Variants in NBEAL1 observed in about 807,000 individuals in gnomAD.
NBEAL1 encodes the protein neurobeachin-like protein 1.
NBEAL1 carries 273 observed loss-of-function variants against 351.3 expected under a neutral mutation model. That is an observed-to-expected ratio of 0.78 (90% CI 0.70 to 0.86). NBEAL1 has a LOEUF of 0.86. Among genes scored for constraint, NBEAL1 ranks in the 40% least tolerant of loss-of-function variants. NBEAL1 has a pLI of 0.00. For synonymous variants in NBEAL1, 1,050 were observed against 1,086.4 expected (o/e 0.97, Z 0.66); for missense variants, 2,961 against 3,201.3 (o/e 0.92, Z 1.81).
chr2:203,195,830 A>G (rs1363544104), intron 47 of NBEAL1, among the ~76,000 whole-genome samples: 1 of 152,150 alleles, frequency 6.6e-6, no homozygotes, highest in East Asian at 1.9e-4. Context: ...TCGCGTACAC[A>G]CCCCTCTGAC....
chr2:203,122,158 A>G (rs1000062484), intron 18 of NBEAL1, 96 bp from the exon 19 acceptor site: 6 of 647,106 alleles, frequency 9.3e-6, no homozygotes, highest in Admixed American at 7.3e-5. Flanking sequence ...TGACTATCCT[A>G]TATTCCTTTT....
At chr2:203,197,865 C>T (rs1466866957) in intron 48 of NBEAL1, among the ~76,000 whole-genome samples, 7 of 151,766 alleles carry the variant, frequency 4.6e-5, no homozygotes, top group South Asian at 2.1e-4. Flanking sequence ...GCCAAGATCG[C>T]GCCACTGCAC....
chr2:203,065,264 GAAA>G (rs551339865), intron 6 of NBEAL1, among the ~76,000 whole-genome samples: 5 of 149,612 alleles, frequency 3.3e-5, no homozygotes, highest in Non-Finnish European at 5.9e-5. Flanking sequence ...GTCTCTAAAA[GAAA>G]AAAAAAATTT....
Position 203,068,411 on chromosome 2 carries a change from G to T in NBEAL1, c.534G>T (p.Val178=). ...HRISGRILST[V]EKSRQKYKPA... The stretch of plus-strand genomic sequence containing the variant: ...ATGATAGACGAATCCTTAGTACTGT[G>T]GAAAAGAGCAGACAGAAATATAAAC... The change falls in exon 7 of 56, where the codon GTG becomes GTT. Residue 178 remains valine (V), a synonymous_variant. Coordinates refer to ENST00000683969, the MANE Select transcript of NBEAL1 (RefSeq NM_001378026.1). The T allele has an allele frequency of 6.5e-7, 1 of 1,546,390 alleles. No homozygotes were observed. Among genetic ancestry groups the T allele is most frequent in the East Asian group, 2.5e-5 (1 of 40,778 alleles).
chr2:203,153,285 A>G (rs971245795), intron 35 of NBEAL1, among the ~76,000 whole-genome samples: 1 of 139,962 alleles, frequency 7.1e-6, no homozygotes, highest in African/African-American at 2.6e-5. Flanking sequence ...AATGCATACC[A>G]CCATGCCATG....
Position 203,223,992 on chromosome 2 carries a change from G to C in NBEAL1, c.*6638G>C, listed in dbSNP as rs941802957. Among the ~76,000 whole-genome samples the C allele has an allele frequency of 2.6e-5, 4 of 151,838 alleles. No homozygotes were observed. Among genetic ancestry groups the C allele is most frequent in the African/African-American group, 9.7e-5 (4 of 41,370 alleles). On this transcript the variant is annotated 3_prime_UTR_variant, in exon 56 of 56. Transcript: ENST00000683969. ...CTGTCAGCGTCTGTTTTGTATATAGGGATTAAAGAGGATAACTTTATTTTT... is the reference window on the plus strand; with the variant it reads ...CTGTCAGCGTCTGTTTTGTATATAGCGATTAAAGAGGATAACTTTATTTTT...
chr2:203,060,900 A>G (rs1453287284), intron 6 of NBEAL1, among the ~76,000 whole-genome samples: 1 of 152,204 alleles, frequency 6.6e-6, no homozygotes, highest in Non-Finnish European at 1.5e-5. Context: ...TCCAATCCAG[A>G]GTGCTCTCAC....
intron 36 of NBEAL1, among the ~76,000 whole-genome samples, chr2:203,162,790 TA>T (rs2064007617): frequency 6.6e-6 from 1 of 152,180 alleles, no homozygotes; most frequent in South Asian, 2.1e-4. Flanking sequence ...CAAATTAATA[TA>T]ATATCAAAAA....
At chr2:203,049,721 A>T in intron 3 of NBEAL1, 93 bp from the exon 4 acceptor site, 1 of 1,090,956 alleles carries the variant, frequency 9.2e-7, no homozygotes, top group Non-Finnish European at 1.3e-6. Context: ...GAGCTTCTTT[A>T]GGATTTGGGC....
chr2:203,098,442 T>G (rs2062231779), intron 11 of NBEAL1, among the ~76,000 whole-genome samples: 1 of 152,186 alleles, frequency 6.6e-6, no homozygotes, highest in African/African-American at 2.4e-5. Context: ...TAATCCCTCT[T>G]AAGGCCTACT....
intron 2 of NBEAL1, among the ~76,000 whole-genome samples, chr2:203,017,377 G>A (rs1488458826): frequency 6.6e-6 from 1 of 152,104 alleles, no homozygotes; most frequent in Non-Finnish European, 1.5e-5. Flanking sequence ...ATTAAATTTA[G>A]AGATTACACT....
chr2:203,197,485 T>G, intron 48 of NBEAL1, 94 bp downstream of exon 48: 1 of 871,230 alleles, frequency 1.1e-6, no homozygotes, highest in East Asian at 2.6e-5. Context: ...AAGCCACTTT[T>G]TGGCTGTGCA....
rs1241401476 is a variant in NBEAL1 at position 203,122,350 on chromosome 2, T to C, written c.2682+7T>C. 1 of 1,482,906 alleles carries C rather than the reference T, an allele frequency of 6.7e-7. No homozygotes were observed. 91.9% of individuals were successfully genotyped at this position (1,482,906 alleles called of 1,614,324 possible). A position where few individuals can be genotyped will look rare whatever the true frequency, so the allele number is the denominator to read the frequency against. On this transcript the variant is annotated splice_region_variant and intron_variant, in intron 19 of 55. Coordinates refer to ENST00000683969, the MANE Select transcript of NBEAL1 (RefSeq NM_001378026.1). ...AGTGAACTGGGACATTAAGGTAAAT[T>C]AATAGTAAATGTTGGGCAACATCTT... is the stretch of plus-strand genomic sequence containing the variant.
chr2:203,105,588 G>A (rs1012952496), intron 12 of NBEAL1, among the ~76,000 whole-genome samples: 3 of 152,112 alleles, frequency 2.0e-5, no homozygotes, highest in Admixed American at 6.6e-5. Context: ...TAGATGTGCC[G>A]ATTTTCACTA....
chr2:203,056,288 C>T, intron 4 of NBEAL1, 139 bp from the exon 5 acceptor site: 1 of 649,296 alleles, frequency 1.5e-6, no homozygotes, highest in Non-Finnish European at 2.8e-6. Context: ...GTTATATAAC[C>T]ATATTGATTT....
chr2:203,025,030 A>G (rs2106002056), intron 2 of NBEAL1, among the ~76,000 whole-genome samples: 2 of 152,350 alleles, frequency 1.3e-5, no homozygotes, highest in African/African-American at 4.8e-5. Flanking sequence ...TAAAGTTTGT[A>G]GATAGATGTT....
intron 46 of NBEAL1, chr2:203,191,483 G>T: frequency 2.1e-6 from 1 of 486,942 alleles, no homozygotes; most frequent in Non-Finnish European, 3.6e-6. Context: ...TCTAATGGTA[G>T]TTTTCAAAGA....
intron 6 of NBEAL1, chr2:203,061,910 T>G (rs2061505926): frequency 5.0e-6 from 1 of 201,488 alleles, no homozygotes; most frequent in African/African-American, 2.4e-5. Flanking sequence ...TAAAATCCAT[T>G]ATCACTGTGC....
At chr2:203,146,043 A>G (rs796448844) in intron 33 of NBEAL1, among the ~76,000 whole-genome samples, 9 of 151,746 alleles carry the variant, frequency 5.9e-5, no homozygotes, top group African/African-American at 2.2e-4. Context: ...TATTTATACC[A>G]GGAAAGAAAG....
Sources: gnomAD v4.1 joint callset for allele counts (sites outside exome capture counted in the v4.1 genomes callset) on GRCh38, gnomAD v4.1.1 for gene constraint, MANE v1.5 for transcripts, NCBI Gene and HGNC (gene_info 2026-07-23, HGNC 2026-07-21) for gene names.